The following PLXDC2 variants were observed in gnomAD, a reference collection of about 807,000 sequenced individuals.
PLXDC2 encodes the protein plexin domain-containing protein 2.
In PLXDC2, 40 loss-of-function variants were observed where a neutral mutation model predicts 68.9. The observed-to-expected ratio is 0.58, with a 90% CI of 0.45 to 0.76. PLXDC2 has a LOEUF of 0.76. Among genes scored for constraint, PLXDC2 ranks in the 30% least tolerant of loss-of-function variants. The pLI is 0.00. For synonymous variants in PLXDC2, 243 were observed against 234.2 expected (o/e 1.04, Z -0.34); for missense variants, 644 against 661.9 (o/e 0.97, Z 0.30).
chr10:19,841,591 C>T (rs920363189), intron 1 of PLXDC2, among the ~76,000 whole-genome samples: 1 of 148,636 alleles, frequency 6.7e-6, no homozygotes, highest in Non-Finnish European at 1.5e-5. Context: ...TCATCTTTTC[C>T]CCATCTATTT....
intron 1 of PLXDC2, among the ~76,000 whole-genome samples, chr10:19,940,914 C>T (rs1295796128): frequency 3.3e-5 from 5 of 152,144 alleles, no homozygotes; most frequent in Non-Finnish European, 7.4e-5. Flanking sequence ...CTGAAGCTGC[C>T]ATCACACAGG....
chr10:19,838,583 C>A (rs1205005346), intron 1 of PLXDC2, among the ~76,000 whole-genome samples: 1 of 152,122 alleles, frequency 6.6e-6, no homozygotes, highest in Non-Finnish European at 1.5e-5. Flanking sequence ...ATTATTCAGT[C>A]TTATAGAACA....
chr10:20,185,120 C>A (rs969164650), intron 9 of PLXDC2, among the ~76,000 whole-genome samples: 5 of 111,676 alleles, frequency 4.5e-5, no homozygotes, highest in East Asian at 3.2e-4. Context: ...ACCTAGGCAA[C>A]AAACCTGCAC....
chr10:20,095,470 C>T (rs775619826), intron 4 of PLXDC2, among the ~76,000 whole-genome samples: 4 of 151,906 alleles, frequency 2.6e-5, no homozygotes, highest in Non-Finnish European at 5.9e-5. Context: ...TACATAAGAA[C>T]TATGGAAAAA....
intron 1 of PLXDC2, among the ~76,000 whole-genome samples, chr10:19,838,076 G>A (rs1293990469): frequency 1.3e-5 from 2 of 152,010 alleles, no homozygotes; most frequent in East Asian, 3.9e-4. Flanking sequence ...ATGACTCACT[G>A]CAGGCTCCAA....
intron 2 of PLXDC2, among the ~76,000 whole-genome samples, chr10:20,013,613 C>T (rs960900927): frequency 6.6e-6 from 1 of 152,118 alleles, no homozygotes; most frequent in African/African-American, 2.4e-5. Flanking sequence ...TCATTTAAAA[C>T]TAGTACAGAG....
At chr10:20,226,553 T>G (rs2131873408) in intron 12 of PLXDC2, among the ~76,000 whole-genome samples, 1 of 152,318 alleles carries the variant, frequency 6.6e-6, no homozygotes, top group Non-Finnish European at 1.5e-5. Flanking sequence ...AGCCTAATAG[T>G]TTTACAAATT....
At chr10:19,832,322 T>A (rs1027416936) in intron 1 of PLXDC2, among the ~76,000 whole-genome samples, 13 of 152,226 alleles carry the variant, frequency 8.5e-5, no homozygotes, top group African/African-American at 3.1e-4. Flanking sequence ...CTCATTTATC[T>A]TTCCATTCAT....
chr10:20,121,778 G>T (rs910569711), intron 4 of PLXDC2, among the ~76,000 whole-genome samples: 12 of 152,164 alleles, frequency 7.9e-5, no homozygotes, highest in Admixed American at 3.9e-4. Context: ...AACTTGAAAG[G>T]CTTGTCTGGT....
chr10:20,108,922 A>G (rs1201611536), intron 4 of PLXDC2, among the ~76,000 whole-genome samples: 1 of 152,214 alleles, frequency 6.6e-6, no homozygotes, highest in African/African-American at 2.4e-5. Context: ...AGGGAAAGTT[A>G]TATGGACATT....
intron 9 of PLXDC2, among the ~76,000 whole-genome samples, chr10:20,180,817 C>G (rs914027369): frequency 2.2e-4 from 34 of 152,026 alleles, no homozygotes; most frequent in African/African-American, 8.0e-4. Context: ...CAAGTGCTTA[C>G]TAAAATTACT....
intron 13 of PLXDC2, among the ~76,000 whole-genome samples, chr10:20,251,607 T>G (rs1284690913): frequency 6.6e-6 from 1 of 152,134 alleles, no homozygotes; most frequent in East Asian, 1.9e-4. Context: ...CATATCACTA[T>G]TCAAGATTTT....
chr10:20,222,781 A>G (rs965153748), intron 12 of PLXDC2, among the ~76,000 whole-genome samples: 1 of 152,156 alleles, frequency 6.6e-6, no homozygotes, highest in African/African-American at 2.4e-5. Flanking sequence ...TGAGCCCAGG[A>G]GCTCAAGGCC....
chr10:19,944,629 A>G (rs1039613363), intron 1 of PLXDC2, among the ~76,000 whole-genome samples: 2 of 152,200 alleles, frequency 1.3e-5, no homozygotes, highest in Admixed American at 6.5e-5. Context: ...AAAGTGACGT[A>G]CAGAAAACGG....
chr10:19,881,251 G>A (rs987391713), intron 1 of PLXDC2, among the ~76,000 whole-genome samples: 46 of 152,056 alleles, frequency 3.0e-4, no homozygotes, highest in African/African-American at 1.1e-3. Context: ...GAGTAGCTGG[G>A]ATTACAGACA....
At chr10:19,838,052 G>A (rs1836832879) in intron 1 of PLXDC2, among the ~76,000 whole-genome samples, 1 of 152,090 alleles carries the variant, frequency 6.6e-6, no homozygotes, top group Admixed American at 6.6e-5. Flanking sequence ...AGACTGGAGT[G>A]CAGTGGTACG....
At chr10:19,927,713 C>G (rs143102138) in intron 1 of PLXDC2, among the ~76,000 whole-genome samples, 2 of 53,142 alleles carry the variant, frequency 3.8e-5, no homozygotes, top group African/African-American at 7.9e-5. Context: ...GGAAAAAAAG[C>G]AAAAAAAAAA....
At chr10:19,847,854 TGGG>T in intron 1 of PLXDC2, among the ~76,000 whole-genome samples, 1 of 152,354 alleles carries the variant, frequency 6.6e-6, no homozygotes, top group African/African-American at 2.4e-5. Context: ...TATACTGTAC[TGGG>T]ATTACACAAT....
intron 4 of PLXDC2, among the ~76,000 whole-genome samples, chr10:20,132,885 A>G (rs1833886517): frequency 6.6e-6 from 1 of 151,622 alleles, no homozygotes; most frequent in Non-Finnish European, 1.5e-5. Context: ...ATTGTTTTCT[A>G]TTTTATAGCC....
Sources: allele counts gnomAD v4.1 joint callset (sites outside exome capture counted in the v4.1 genomes callset), GRCh38; gene constraint gnomAD v4.1.1; transcripts MANE v1.5; gene names NCBI Gene and HGNC (gene_info 2026-07-23, HGNC 2026-07-21).